The following WIZ variants were observed in gnomAD, a reference collection of about 807,000 sequenced individuals.
The protein encoded by WIZ is protein Wiz.
WIZ carries 25 observed loss-of-function variants against 140.2 expected under a neutral mutation model. That is an observed-to-expected ratio of 0.18 (90% CI 0.13 to 0.25). WIZ has a LOEUF of 0.25. Ranked by LOEUF, WIZ falls within the 10% of genes least tolerant of loss-of-function variation. WIZ has a pLI of 1.00. For synonymous variants in WIZ, 1,125 were observed against 1,154.3 expected (o/e 0.97, Z 0.51); for missense variants, 2,231 against 2,632.6 (o/e 0.85, Z 3.34).
chr19:15,436,742 C>A, intron 5 of WIZ, 64 bp downstream of exon 5: 1 of 1,446,430 alleles, frequency 6.9e-7, no homozygotes. Flanking sequence ...CCAGCCCCGC[C>A]CCTCCAATGC....
At chr19:15,449,057 AC>A (rs1970018638) in intron 1 of WIZ, among the ~76,000 whole-genome samples, 1 of 144,522 alleles carries the variant, frequency 6.9e-6, no homozygotes, top group Non-Finnish European at 1.5e-5. Flanking sequence ...CATTCCCCCC[AC>A]CCCCCAACCA....
rs1044518570 is a variant in WIZ at position 15,428,646 on chromosome 19, G to T, written c.3416-138C>A. On this transcript the variant is annotated intron_variant, in intron 7 of 12. Coordinates refer to ENST00000673675, the MANE Select transcript of WIZ (RefSeq NM_001371589.1). The surrounding 1 kb of genome is among the most constrained non-coding windows in gnomAD (Gnocchi z 6.4). Reference sequence around the variant, plus strand: ...AAGACTCAGGCCGCAGATTTCTTTTGAAGTTTGGGAAGCAGGACATCCTGT... The same window carrying T: ...AAGACTCAGGCCGCAGATTTCTTTTTAAGTTTGGGAAGCAGGACATCCTGT... The T allele has an allele frequency of 9.5e-7, 1 of 1,056,446 alleles. No individual in the cohort carries two copies. The allele number at this position is 1,056,446 out of a possible 1,614,324, so 65.4% of individuals were successfully genotyped here.
rs1211065607 is a variant in WIZ at position 15,439,807 on chromosome 19, C to A, written c.1187G>T (p.Gly396Val). The A allele has an allele frequency of 2.6e-6, 4 of 1,522,488 alleles. No individual in the cohort carries two copies. The African/African-American group carries it at 4.1e-5, about 16-fold the overall frequency. 94.3% of individuals were successfully genotyped at this position (1,522,488 alleles called of 1,614,324 possible). ...AGGGCACTGCAGCCGTGCCTCCCGG[C>A]CCTCGTCTCCTGGAACTTGCTTCAG... ...QKLKQVPGDE[G>V]REARLQCPKC... is the part of the protein sequence containing the mutation. Residue 396 changes from glycine (G) to valine (V), a missense_variant, in exon 4 of 13, where the codon GGC (glycine) becomes GTC (valine). Gly to Val is a moderately radical substitution (Grantham distance 109). This residue lies in a region of WIZ where 475 missense variants were observed against 520.2 expected (regional missense o/e 0.91). Transcript: ENST00000673675. This position sits in a 1 kb window ranked among gnomAD's most constrained non-coding sequence, Gnocchi z 7.0.
chr19:15,448,268 G>C lies in WIZ; in HGVS notation c.40C>G (p.Arg14Gly). ...SLAGSLAAPD[R>G]PQGPERLPGP... ...GGCAGTCTCTCTGGGCCTTGGGGAC[G>C]ATCTGGTGCAGCCAGGCTGCCTGCC... Residue 14 changes from arginine to glycine, a missense_variant, in exon 2 of 13, where the codon CGT becomes GGT. Transcript: ENST00000673675. 1 of 1,613,244 alleles carries C rather than the reference G, an allele frequency of 6.2e-7. No individual in the cohort carries two copies. Among genetic ancestry groups the C allele is most frequent in the Non-Finnish European group, 8.5e-7 (1 of 1,179,816 alleles).
Position 15,442,114 on chromosome 19 carries a change from G to T in WIZ, c.278+562C>A, listed in dbSNP as rs1376655357. Among the ~76,000 whole-genome samples, 1 of 151,968 alleles carries T rather than the reference G, an allele frequency of 6.6e-6. No homozygotes were observed. The highest frequency in any genetic ancestry group is 2.4e-5 in the African/African-American group (1 of 41,350). Reference sequence around the variant, plus strand: ...AGGCAGGAGAATCGCTTGAACCCAGGAGGTGGAGGTTGCAGTGAGCCAAGA... The same window carrying T: ...AGGCAGGAGAATCGCTTGAACCCAGTAGGTGGAGGTTGCAGTGAGCCAAGA... On this transcript the variant is annotated intron_variant, in intron 3 of 12. Transcript: ENST00000673675. The surrounding 1 kb of genome is among the most constrained non-coding windows in gnomAD (Gnocchi z 5.5).
chr19:15,431,864 A>C (rs1270801018), intron 5 of WIZ, among the ~76,000 whole-genome samples: 1 of 152,224 alleles, frequency 6.6e-6, no homozygotes, highest in Admixed American at 6.5e-5. Flanking sequence ...TGTGTGGCAG[A>C]GGGAACCAAG....
chr19:15,443,006 G>C (rs1458224256), intron 2 of WIZ, among the ~76,000 whole-genome samples: 1 of 152,138 alleles, frequency 6.6e-6, no homozygotes, highest in Non-Finnish European at 1.5e-5. Context: ...CAGCAGCCAG[G>C]GTGGTTTTTT....
Position 15,429,677 on chromosome 19 carries a change from C to T in WIZ, c.3324G>A (p.Glu1108=). The change falls in exon 7 of 13, where the codon GAG becomes GAA. Residue 1108 remains glutamate, a synonymous_variant. Coordinates refer to ENST00000673675, the MANE Select transcript of WIZ (RefSeq NM_001371589.1). The part of the protein sequence containing the change: ...LAGSPTPKNP[E]DKSPQLSLSP... ...TCAGGGACAGCTGGGGGCTCTTGTC[C>T]TCAGGATTCTTAGGGGTAGGGGAGC... 7.0e-7 allele frequency: 1 copy of T among 1,433,026 alleles called. No individual in the cohort carries two copies. The highest frequency in any genetic ancestry group is 9.1e-7 in the Non-Finnish European group (1 of 1,096,542). 88.8% of individuals were successfully genotyped at this position (1,433,026 alleles called of 1,614,324 possible). A position where few individuals can be genotyped will look rare whatever the true frequency, so the allele number is the denominator to read the frequency against.
Position 15,429,846 on chromosome 19 carries a change from CG to C in WIZ, c.3154del (p.Arg1052GlyfsTer65). The C allele has an allele frequency of 6.5e-7, 1 of 1,529,804 alleles. No homozygotes were observed. Among genetic ancestry groups the C allele is most frequent in the Non-Finnish European group, 8.8e-7 (1 of 1,142,674 alleles). The allele number at this position is 1,529,804 out of a possible 1,614,324, so 94.8% of individuals were successfully genotyped here. On this transcript the variant is annotated frameshift_variant, in exon 7 of 13. Transcript: ENST00000673675. LOFTEE classifies it high-confidence loss of function. ...CTTGGCCAGGCTGAGCAAGCCGGGC[CG>C]GGGGGCCCCGGCGACCACCTCCTTC... is the stretch of plus-strand genomic sequence containing the variant. ...SLKEVVAGAP[R>X]PGLLSLAKPL...
In WIZ at chr19:15,430,069, C is replaced by T; in HGVS notation, c.2932G>A (p.Glu978Lys). ...GTCTCAAAGCAGGCACCGCAGACCTCGCAGGTGGTCAGGCTCTGGGCTGAA... is the reference window on the plus strand; with the variant it reads ...GTCTCAAAGCAGGCACCGCAGACCTTGCAGGTGGTCAGGCTCTGGGCTGAA... ...DLKAQSLTTC[E>K]VCGACFETRK... is the part of the protein sequence containing the mutation. The change falls in exon 7 of 13, where the codon GAG becomes AAG. Residue 978 changes from glutamate (E) to lysine (K), a missense_variant. Glu to Lys is a moderately conservative substitution (Grantham distance 56). This residue lies in a region of WIZ where 24 missense variants were observed against 61.2 expected (regional missense o/e 0.39). Transcript: ENST00000673675. 1.3e-6 allele frequency: 2 copies of T among 1,531,164 alleles called. No individual in the cohort carries two copies. Among genetic ancestry groups the T allele is most frequent in the Non-Finnish European group, 1.7e-6 (2 of 1,143,614 alleles). The allele number at this position is 1,531,164 out of a possible 1,614,324, so 94.8% of individuals were successfully genotyped here. A position where few individuals can be genotyped will look rare whatever the true frequency, so the allele number is the denominator to read the frequency against.
chr19:15,438,507 A>C, intron 4 of WIZ, 71 bp downstream of exon 4: 48 of 1,413,598 alleles, frequency 3.4e-5, no homozygotes, highest in Non-Finnish European at 3.9e-5. Flanking sequence ...GCGCTAAGGG[A>C]GAGAATTTAG....
chr19:15,445,278 T>C (rs550345844), intron 2 of WIZ, among the ~76,000 whole-genome samples: 1 of 152,356 alleles, frequency 6.6e-6, no homozygotes, highest in South Asian at 2.1e-4. Context: ...ACCTAGATTC[T>C]GGAGCCAGAC....
chr19:15,430,216 C>G (rs147510722), intron 6 of WIZ, 127 bp from the exon 7 acceptor site: 1 of 1,322,300 alleles, frequency 7.6e-7, no homozygotes, highest in African/African-American at 1.5e-5. Context: ...GTCAGGCCCC[C>G]CAAACCTCAC....
In WIZ at chr19:15,431,077, C is replaced by T. The variant is rs765032422; in HGVS notation, c.2846G>A (p.Arg949Gln). 2.5e-4 allele frequency: 386 copies of T among 1,535,954 alleles called. No homozygotes were observed. The highest frequency in any genetic ancestry group is 5.1e-4 in the Admixed American group (26 of 50,970). The change falls in exon 6 of 13, where the codon CGG becomes CAG. Residue 949 changes from arginine (R) to glutamine (Q), a missense_variant. Transcript: ENST00000673675. ...CTCTGCAGCCACTTTGCTGCTCAGC[C>T]GACTGGCCACCTGCTCCAGGGCCCC... ...VPGALEQVASRLSSKVAAEVP... is the reference protein window; with the variant it reads ...VPGALEQVASQLSSKVAAEVP...
chr19:15,437,775 G>A (rs1969570760), intron 4 of WIZ, among the ~76,000 whole-genome samples: 1 of 152,236 alleles, frequency 6.6e-6, no homozygotes, highest in African/African-American at 2.4e-5. Context: ...CGCAAGTGCT[G>A]TAAATTAAAT....
chr19:15,439,164 C>T lies in WIZ; in HGVS notation c.1830G>A (p.Arg610=). ...TVHPQGLGER[R]RPWSEEEEEE... ...CCTCCTCCTCTTCGCTCCAAGGGCG[C>T]CTCCGTTCCCCCAGCCCTTGTGGGT... The change falls in exon 4 of 13, where the codon AGG becomes AGA. Residue 610 remains arginine (R), a synonymous_variant. Coordinates refer to ENST00000673675, the MANE Select transcript of WIZ (RefSeq NM_001371589.1). The surrounding 1 kb of genome is among the most constrained non-coding windows in gnomAD (Gnocchi z 7.0). 2.0e-6 allele frequency: 3 copies of T among 1,532,190 alleles called. No homozygotes were observed. Among genetic ancestry groups the T allele is most frequent in the Non-Finnish European group, 2.6e-6 (3 of 1,144,462 alleles). 94.9% of individuals were successfully genotyped at this position (1,532,190 alleles called of 1,614,324 possible).
chr19:15,430,233 C>CCTAACAA, intron 6 of WIZ, 144 bp from the exon 7 acceptor site: 1 of 1,219,594 alleles, frequency 8.2e-7, no homozygotes. Flanking sequence ...TCACAATGAC[C>CCTAACAA]CTAACAACGC....
At chr19:15,437,413 C>T (rs913672706) in intron 4 of WIZ, among the ~76,000 whole-genome samples, 5 of 152,242 alleles carry the variant, frequency 3.3e-5, no homozygotes, top group African/African-American at 1.2e-4. Context: ...CCTGTAATCC[C>T]AGCTCTTTGG....
rs778432657 is a variant in WIZ, at chr19:15,425,333, C to T, written c.4802G>A (p.Arg1601His). ...GGCCTTGACCTCTGCTGGGAGGAGG[C>T]GGTCCTCCTGCAGGGGCCGCTTGGC... ...VAAKRPLQED[R>H]LLPAEVKAKT... The change falls in exon 10 of 13, where the codon CGC becomes CAC. Residue 1601 changes from arginine to histidine, a missense_variant. Arg to His is a conservative substitution (Grantham distance 29, BLOSUM62 0). Coordinates refer to ENST00000673675, the MANE Select transcript of WIZ (RefSeq NM_001371589.1). 1.1e-5 allele frequency: 18 copies of T among 1,568,060 alleles called. No homozygotes were observed. The highest frequency in any genetic ancestry group is 5.6e-5 in the Admixed American group (3 of 53,374).
Sources: allele counts gnomAD v4.1 joint callset (sites outside exome capture counted in the v4.1 genomes callset), GRCh38; gene constraint gnomAD v4.1.1; regional missense constraint gnomAD v4.1.1; non-coding constraint Gnocchi (gnomAD v3.1); transcripts MANE v1.5; gene names NCBI Gene and HGNC (gene_info 2026-07-23, HGNC 2026-07-21).